Variants in ANKRD31 observed in about 807,000 individuals in gnomAD.
ANKRD31 encodes the protein ankyrin repeat domain-containing protein 31.
In ANKRD31, 147 loss-of-function variants were observed where a neutral mutation model predicts 186.0. That is an observed-to-expected ratio of 0.79 (90% confidence interval 0.69 to 0.91). The LOEUF is 0.91. Among genes scored for constraint, ANKRD31 ranks in the 40% least tolerant of loss-of-function variants. The pLI, the probability that ANKRD31 is intolerant of heterozygous loss-of-function variation, is 0.00. For missense variants in ANKRD31, 1,986 were observed against 2,148.8 expected, an observed-to-expected ratio of 0.92 and a Z score of 1.50; for synonymous variants, 673 against 736.4, an observed-to-expected ratio of 0.91 and a Z score of 1.39.
chr5:75,135,908 A>C (rs1411115416), intron 17 of ANKRD31, among the ~76,000 whole-genome samples: 1 of 152,210 alleles, frequency 6.6e-6, no homozygotes, highest in Non-Finnish European at 1.5e-5. Flanking sequence ...CAAAAACAAG[A>C]AATGCGGAAA....
At chr5:75,230,411 C>A in intron 2 of ANKRD31, 151 bp downstream of exon 2, 1 of 574,392 alleles carries the variant, frequency 1.7e-6, no homozygotes. Context: ...AAAAACTTAA[C>A]TGTTATTTAT....
At chr5:75,140,243 GAAGGAAGGA>G (rs1364837514) in intron 15 of ANKRD31, among the ~76,000 whole-genome samples, 6 of 87,944 alleles carry the variant, frequency 6.8e-5, no homozygotes, top group African/African-American at 4.1e-4. Flanking sequence ...AAGAAGGAAG[GAAGGAAGGA>G]AGGAAGGAAG....
At chr5:75,222,546 G>T (rs750754281) in intron 2 of ANKRD31, among the ~76,000 whole-genome samples, 188 bp from the exon 3 acceptor site, 7 of 151,450 alleles carry the variant, frequency 4.6e-5, no homozygotes, top group Admixed American at 4.6e-4. Flanking sequence ...ATAGGTATAC[G>T]TGTGCCATGG....
At chr5:75,234,374 C>T (rs1758128278) in intron 1 of ANKRD31, among the ~76,000 whole-genome samples, 1 of 152,162 alleles carries the variant, frequency 6.6e-6, no homozygotes, top group Non-Finnish European at 1.5e-5. Flanking sequence ...ATTCAAAAAC[C>T]AGTATAGACT....
intron 12 of ANKRD31, 52 bp from the exon 13 acceptor site, chr5:75,148,680 T>G (rs1319870377): frequency 5.7e-6 from 8 of 1,414,360 alleles, no homozygotes; most frequent in Non-Finnish European, 5.7e-6. Flanking sequence ...GTTTAGACTT[T>G]AGACTTCTAA....
intron 17 of ANKRD31, among the ~76,000 whole-genome samples, chr5:75,131,266 A>G (rs1749792632): frequency 6.6e-6 from 1 of 152,202 alleles, no homozygotes; most frequent in African/African-American, 2.4e-5. Flanking sequence ...GGAGCGTGGC[A>G]AGAGTGGATG....
chr5:75,095,777 A>C (rs905168506), intron 22 of ANKRD31, among the ~76,000 whole-genome samples: 3 of 152,178 alleles, frequency 2.0e-5, no homozygotes, highest in Non-Finnish European at 2.9e-5. Flanking sequence ...ATCTGTGCCT[A>C]ATTTATAAAT....
At chr5:75,077,499 G>A in intron 25 of ANKRD31, among the ~76,000 whole-genome samples, 1 of 144,736 alleles carries the variant, frequency 6.9e-6, no homozygotes, top group African/African-American at 2.9e-5. Flanking sequence ...CTCACTCTTT[G>A]GGGGGGGAAT....
intron 25 of ANKRD31, among the ~76,000 whole-genome samples, chr5:75,077,226 G>A (rs925373073): frequency 6.6e-6 from 1 of 151,962 alleles, no homozygotes; most frequent in Non-Finnish European, 1.5e-5. Flanking sequence ...GCCCCACCAT[G>A]CCCAGCCAAT....
intron 10 of ANKRD31, among the ~76,000 whole-genome samples, chr5:75,181,050 C>G (rs1035374370): frequency 2.0e-5 from 3 of 150,122 alleles, no homozygotes; most frequent in African/African-American, 7.4e-5. Flanking sequence ...AAAAAACAAG[C>G]AACCCCATCA....
chr5:75,076,831 C>T (rs878914084), intron 25 of ANKRD31, among the ~76,000 whole-genome samples: 1 of 152,100 alleles, frequency 6.6e-6, no homozygotes, highest in Admixed American at 6.5e-5. Context: ...AGCACTGTGG[C>T]AGGAATTAGC....
At chr5:75,232,299 T>C (rs1757998713) in intron 1 of ANKRD31, among the ~76,000 whole-genome samples, 1 of 152,220 alleles carries the variant, frequency 6.6e-6, no homozygotes, top group Non-Finnish European at 1.5e-5. Flanking sequence ...ACAGTCACTC[T>C]GTCACCCAGG....
At chr5:75,171,873 T>C (rs931061176) in intron 10 of ANKRD31, among the ~76,000 whole-genome samples, 1 of 151,536 alleles carries the variant, frequency 6.6e-6, no homozygotes, top group African/African-American at 2.4e-5. Context: ...ACTTAAATGT[T>C]AGACAAATTC....
chr5:75,130,615 C>T (rs1749712653), intron 17 of ANKRD31, among the ~76,000 whole-genome samples: 1 of 152,104 alleles, frequency 6.6e-6, no homozygotes, highest in African/African-American at 2.4e-5. Flanking sequence ...CACAAAAGTT[C>T]TCCAAATTCC....
At chr5:75,137,445 C>T (rs1426244992) in intron 17 of ANKRD31, among the ~76,000 whole-genome samples, 1 of 152,078 alleles carries the variant, frequency 6.6e-6, no homozygotes, top group Non-Finnish European at 1.5e-5. Context: ...AACAAACACC[C>T]GGAAAACAAA....
chr5:75,125,861 G>A (rs1421325733), intron 17 of ANKRD31, among the ~76,000 whole-genome samples: 1 of 152,072 alleles, frequency 6.6e-6, no homozygotes, highest in Non-Finnish European at 1.5e-5. Context: ...CGAAGAGATT[G>A]GCAAAGATTA....
intron 2 of ANKRD31, among the ~76,000 whole-genome samples, chr5:75,229,895 A>AAAAAAAT (rs1757849592): frequency 7.3e-6 from 1 of 137,252 alleles, no homozygotes; most frequent in Admixed American, 7.0e-5. Context: ...AAACAAAAAA[A>AAAAAAAT]ACATCAATTC....
At chr5:75,203,644 A>G (rs1755956677) in intron 5 of ANKRD31, among the ~76,000 whole-genome samples, 1 of 148,132 alleles carries the variant, frequency 6.8e-6, no homozygotes, top group Admixed American at 6.7e-5. Context: ...GCCTGGGCGA[A>G]AGAGAGAGGA....
intron 11 of ANKRD31, among the ~76,000 whole-genome samples, chr5:75,161,339 C>T (rs113494604): frequency 0.22 from 33,347 of 151,986 alleles, 3,819 homozygotes; most frequent in South Asian, 0.4. Flanking sequence ...CAGCATTTTG[C>T]CCCTGCCCTA....
Sources: gnomAD v4.1 joint callset for allele counts (sites outside exome capture counted in the v4.1 genomes callset) on GRCh38, gnomAD v4.1.1 for gene constraint, MANE v1.5 for transcripts, NCBI Gene and HGNC (gene_info 2026-07-23, HGNC 2026-07-21) for gene names.